S100PBP: variants seen among roughly 807,000 people sequenced by gnomAD.
S100PBP encodes the protein S100P binding protein.
S100PBP carries 15 observed loss-of-function variants against 39.9 expected under a neutral mutation model. The observed-to-expected ratio is 0.38, with a 90% CI of 0.25 to 0.58. S100PBP has a LOEUF of 0.58. S100PBP is among the 20% of genes least tolerant of loss of function. S100PBP has a pLI of 0.70. For synonymous variants in S100PBP, 178 were observed against 180.3 expected, an observed-to-expected ratio of 0.99 and a Z score of 0.10; for missense variants, 504 against 487.3, an observed-to-expected ratio of 1.03 and a Z score of -0.32.
Position 32,828,004 on chromosome 1 carries a change from TAAC to T in S100PBP, c.846_848del (p.Asn282del), listed in dbSNP as rs767482857. On this transcript the variant is annotated inframe_deletion, in exon 4 of 7. Coordinates refer to ENST00000373475, the MANE Select transcript of S100PBP (RefSeq NM_022753.4). The stretch of plus-strand genomic sequence containing the variant: ...TTTCCTCAAAAAAGCAGGATGTTCT[TAAC>T]AAGGATTCTGGGAAGATGAAAGGCC... 9 of 1,610,786 alleles carry T rather than the reference TAAC, an allele frequency of 5.6e-6. No homozygotes were observed. In the South Asian group the frequency reaches 7.7e-5, roughly 14 times the overall value.
chr1:32,846,828 CTGTAGTGCAG>C (rs1357600318), intron 5 of S100PBP: 2 of 150,960 alleles, frequency 1.3e-5, no homozygotes, highest in Non-Finnish European at 2.9e-5. Flanking sequence ...GTCGCCCAGG[CTGTAGTGCAG>C]TGGTGCGATC....
chr1:32,822,714 C>T (rs1557480332), intron 1 of S100PBP, among the ~76,000 whole-genome samples: 1 of 151,466 alleles, frequency 6.6e-6, no homozygotes, highest in Non-Finnish European at 1.5e-5. Context: ...CTATATATAC[C>T]ATATATATGG....
intron 1 of S100PBP, among the ~76,000 whole-genome samples, chr1:32,821,273 A>C (rs895471547): frequency 2.6e-5 from 4 of 152,092 alleles, no homozygotes; most frequent in African/African-American, 7.2e-5. Context: ...TGCATATTTT[A>C]ATAATTTTGT....
chr1:32,845,836 C>G (rs1640345147), intron 5 of S100PBP, among the ~76,000 whole-genome samples: 2 of 151,798 alleles, frequency 1.3e-5, no homozygotes, highest in Admixed American at 6.6e-5. Context: ...TGCCGCCAAG[C>G]CTGGCTAATT....
chr1:32,817,539 C>T (rs180753873), upstream of S100PBP: 2 of 567,430 alleles, frequency 3.5e-6, no homozygotes, highest in East Asian at 5.9e-5. Context: ...AGAGGCGGGA[C>T]GGTTTCCTGC....
At position 32,855,938 on chromosome 1, in the gene S100PBP, G is replaced by A. The variant is rs745768623; in HGVS notation, c.1127G>A (p.Arg376Gln). ...TCTCTCGATAGAAACTACGCCCGCC[G>A]ACAGAAACATCTGCAAAGATACAGT... ...SDLTTRNYAR[R>Q]QKHLQRYSLT... The change falls in exon 7 of 7, where the codon CGA becomes CAA. Residue 376 changes from arginine to glutamine, a missense_variant. By Grantham distance (43) the Arg-to-Gln change is conservative. Transcript: ENST00000373475. 6.2e-7 allele frequency: 1 copy of A among 1,612,720 alleles called. No individual in the cohort carries two copies. Among genetic ancestry groups the A allele is most frequent in the South Asian group, 1.1e-5 (1 of 90,992 alleles).
chr1:32,840,146 C>T (rs1483554725), intron 5 of S100PBP, among the ~76,000 whole-genome samples: 10 of 152,016 alleles, frequency 6.6e-5, no homozygotes, highest in African/African-American at 1.2e-4. Context: ...CCACCATATC[C>T]GGCTAATTTT....
intron 3 of S100PBP, among the ~76,000 whole-genome samples, chr1:32,827,783 GTTT>G (rs35149609): frequency 1.0e-4 from 13 of 130,406 alleles, no homozygotes; most frequent in South Asian, 2.4e-4. Context: ...ACCTGGCCAG[GTTT>G]TTTTTTTTTT....
At chr1:32,833,198 C>T (rs1019740909) in intron 5 of S100PBP, among the ~76,000 whole-genome samples, 2 of 152,214 alleles carry the variant, frequency 1.3e-5, no homozygotes, top group East Asian at 3.9e-4. Flanking sequence ...ATGCAAAACG[C>T]ATTACCTCAT....
chr1:32,828,904 A>G (rs1213354435), intron 4 of S100PBP, among the ~76,000 whole-genome samples: 1 of 152,126 alleles, frequency 6.6e-6, no homozygotes, highest in African/African-American at 2.4e-5. Flanking sequence ...AGGAAGACTG[A>G]GGTGGGAAGA....
chr1:32,852,358 C>A (rs1282824045), intron 5 of S100PBP, among the ~76,000 whole-genome samples: 2 of 151,794 alleles, frequency 1.3e-5, no homozygotes, highest in South Asian at 4.2e-4. Flanking sequence ...CCATAGTTTC[C>A]CATCTTTGAA....
intron 5 of S100PBP, among the ~76,000 whole-genome samples, chr1:32,844,298 G>GC (rs1640255793): frequency 1.3e-5 from 2 of 152,088 alleles, no homozygotes. Flanking sequence ...GTATCTGCCT[G>GC]CCTCTGCCTC....
At chr1:32,825,740 T>G (rs1639292773) in intron 2 of S100PBP, among the ~76,000 whole-genome samples, 1 of 152,216 alleles carries the variant, frequency 6.6e-6, no homozygotes, top group Non-Finnish European at 1.5e-5. Flanking sequence ...TATATATATA[T>G]GAAGTTCTAG....
chr1:32,843,929 T>C (rs746154023), intron 5 of S100PBP, among the ~76,000 whole-genome samples: 7 of 151,882 alleles, frequency 4.6e-5, no homozygotes, highest in Non-Finnish European at 1.0e-4. Flanking sequence ...TTTTTCTTTT[T>C]TTGAGATGGA....
chr1:32,827,547 G>A (rs1639385569), intron 3 of S100PBP, among the ~76,000 whole-genome samples: 2 of 151,880 alleles, frequency 1.3e-5, no homozygotes, highest in Admixed American at 6.6e-5. Context: ...GCAGTGGCAC[G>A]ATCTCGGCTC....
At chr1:32,824,461 T>C (rs1345055839) in intron 1 of S100PBP, among the ~76,000 whole-genome samples, 1 of 152,148 alleles carries the variant, frequency 6.6e-6, no homozygotes, top group African/African-American at 2.4e-5. Flanking sequence ...ATTATACAAC[T>C]AACTAAATAT....
chr1:32,831,403 TACTC>T (rs1267547316), intron 5 of S100PBP, among the ~76,000 whole-genome samples: 1 of 151,960 alleles, frequency 6.6e-6, no homozygotes, highest in Non-Finnish European at 1.5e-5. Context: ...TTAGTTTAAT[TACTC>T]TAAGATCTAT....
chr1:32,817,292 T>G, upstream of S100PBP: 8 of 1,610,106 alleles, frequency 5.0e-6, no homozygotes, highest in Non-Finnish European at 6.8e-6. Flanking sequence ...CCAGAGCCCC[T>G]TCCTGGGTCA....
chr1:32,828,158 C>G, intron 4 of S100PBP, 77 bp downstream of exon 4: 1 of 964,716 alleles, frequency 1.0e-6, no homozygotes, highest in Non-Finnish European at 1.6e-6. Context: ...CCAGTTTCCT[C>G]TTAGTGCAGG....
Sources: gnomAD v4.1 joint callset for allele counts (sites outside exome capture counted in the v4.1 genomes callset) on GRCh38, gnomAD v4.1.1 for gene constraint, MANE v1.5 for transcripts, NCBI Gene and HGNC (gene_info 2026-07-23, HGNC 2026-07-21) for gene names.